The following PTPRM variants were observed in gnomAD, a reference collection of about 807,000 sequenced individuals.
PTPRM encodes receptor-type tyrosine-protein phosphatase mu.
PTPRM carries 47 observed loss-of-function variants against 186.7 expected under a neutral mutation model. That is an observed-to-expected ratio of 0.25 (90% CI 0.20 to 0.32). PTPRM has a LOEUF of 0.32. Ranked by LOEUF, PTPRM falls within the 10% of genes least tolerant of loss-of-function variation. The pLI is 1.00. For missense variants in PTPRM, 1,494 were observed against 1,865.0 expected (o/e 0.80, Z 3.66); for synonymous variants, 668 against 674.9 (o/e 0.99, Z 0.16).
intron 3 of PTPRM, among the ~76,000 whole-genome samples, chr18:7,898,759 G>A (rs1051302384): frequency 2.6e-4 from 39 of 152,118 alleles, no homozygotes; most frequent in Admixed American, 2.0e-3. Context: ...ATATCTGGGC[G>A]TTATCAGCAA....
At chr18:8,226,169 C>T (rs75224228) in intron 14 of PTPRM, among the ~76,000 whole-genome samples, 14,452 of 152,112 alleles carry the variant, frequency 0.095, 793 homozygotes, top group Middle Eastern at 0.34. Context: ...TGCATCACTC[C>T]GTTAACATAA....
intron 5 of PTPRM, among the ~76,000 whole-genome samples, chr18:7,933,548 CA>C (rs2051614306): frequency 1.3e-5 from 2 of 152,270 alleles, no homozygotes; most frequent in South Asian, 2.1e-4. Flanking sequence ...TCCCATGGAA[CA>C]GGGGGGACTG....
At chr18:8,120,519 G>A (rs1330504507) in intron 13 of PTPRM, among the ~76,000 whole-genome samples, 2 of 127,988 alleles carry the variant, frequency 1.6e-5, no homozygotes, top group African/African-American at 6.1e-5. Flanking sequence ...TTGAGACAGT[G>A]TCTTCCTCTG....
rs79118553 is a variant in PTPRM, at chr18:8,256,665, A to C, written c.2754+3251A>C. Among the ~76,000 whole-genome samples, 19 of 152,334 alleles carry C rather than the reference A, an allele frequency of 1.2e-4. No homozygotes were observed. In the East Asian group the frequency reaches 3.5e-3, roughly 28 times the overall value. On this transcript the variant is annotated intron_variant, in intron 19 of 32. Coordinates refer to ENST00000580170, the MANE Select transcript of PTPRM (RefSeq NM_001105244.2). ...GGGGTTATACTTTTCCTTCATCTCC[A>C]GGGCTGGATAACTTTCTTACCATGT...
chr18:8,148,845 G>A (rs534235418), intron 14 of PTPRM, among the ~76,000 whole-genome samples: 26 of 152,150 alleles, frequency 1.7e-4, no homozygotes, highest in East Asian at 9.7e-4. Context: ...ATTCTGGTAC[G>A]TTGTGTCTTC....
intron 23 of PTPRM, among the ~76,000 whole-genome samples, chr18:8,349,552 A>T (rs2095523133): frequency 6.6e-6 from 1 of 152,118 alleles, no homozygotes; most frequent in Non-Finnish European, 1.5e-5. Context: ...CTATCATAGG[A>T]TGAAGCTGAC....
chr18:7,813,130 A>G (rs188956365), intron 2 of PTPRM, among the ~76,000 whole-genome samples: 1 of 152,328 alleles, frequency 6.6e-6, no homozygotes, highest in Non-Finnish European at 1.5e-5. Flanking sequence ...TCTGTAAGAG[A>G]CAAACATATG....
chr18:8,271,347 C>G (rs990109836), intron 19 of PTPRM, among the ~76,000 whole-genome samples: 2 of 151,142 alleles, frequency 1.3e-5, no homozygotes, highest in African/African-American at 4.9e-5. Context: ...TATTATATAC[C>G]AAAAAGCCAA....
chr18:7,744,929 C>A (rs1241268430), intron 1 of PTPRM, among the ~76,000 whole-genome samples: 2 of 152,156 alleles, frequency 1.3e-5, no homozygotes, highest in Admixed American at 1.3e-4. Context: ...CCCTGAACCC[C>A]AGCATGCCAT....
At chr18:7,841,171 G>C (rs1471460563) in intron 2 of PTPRM, among the ~76,000 whole-genome samples, 1 of 152,078 alleles carries the variant, frequency 6.6e-6, no homozygotes, top group African/African-American at 2.4e-5. Context: ...AAAAGATACA[G>C]GGGCTGTTCT....
chr18:7,651,191 A>G (rs894602303), intron 1 of PTPRM, among the ~76,000 whole-genome samples: 1 of 152,062 alleles, frequency 6.6e-6, no homozygotes, highest in African/African-American at 2.4e-5. Context: ...CAAAAATGCT[A>G]GAATTACAGG....
chr18:8,227,547 C>A (rs1046317481), intron 14 of PTPRM, among the ~76,000 whole-genome samples: 1 of 152,158 alleles, frequency 6.6e-6, no homozygotes, highest in Non-Finnish European at 1.5e-5. Context: ...CCAGAATATG[C>A]AATTTTATCA....
chr18:7,607,822 G>A (rs906403357), intron 1 of PTPRM, among the ~76,000 whole-genome samples: 3 of 152,306 alleles, frequency 2.0e-5, no homozygotes, highest in East Asian at 1.9e-4. Context: ...TCCTCTCTTC[G>A]TATATCAAAG....
chr18:8,352,627 C>T (rs2509545), intron 23 of PTPRM, among the ~76,000 whole-genome samples: 72,859 of 131,374 alleles, frequency 0.55, 19,237 homozygotes, highest in Non-Finnish European at 0.6. Flanking sequence ...CATTCTTTTT[C>T]TTTTCTTTTT....
chr18:7,749,213 G>C (rs1311975030), intron 1 of PTPRM: 7 of 152,096 alleles, frequency 4.6e-5, no homozygotes, highest in Non-Finnish European at 8.8e-5. Flanking sequence ...AAAGGGAATG[G>C]AGGAGGGGAC....
chr18:7,910,306 AG>A (rs1444281579), intron 4 of PTPRM, among the ~76,000 whole-genome samples: 1 of 152,220 alleles, frequency 6.6e-6, no homozygotes, highest in African/African-American at 2.4e-5. Context: ...TTACTGGTGG[AG>A]GGTGTCCAGG....
intron 1 of PTPRM, among the ~76,000 whole-genome samples, chr18:7,692,695 C>T (rs565171304): frequency 6.6e-6 from 1 of 152,332 alleles, no homozygotes; most frequent in African/African-American, 2.4e-5. Context: ...AAAGTCCTAT[C>T]TTCCTCTGTT....
chr18:7,596,846 C>CT (rs964930075), intron 1 of PTPRM, among the ~76,000 whole-genome samples: 16 of 149,414 alleles, frequency 1.1e-4, no homozygotes, highest in East Asian at 2.0e-4. Flanking sequence ...CTTCATTTAT[C>CT]TTTTTTTTTT....
chr18:7,582,328 G>A (rs994433026), intron 1 of PTPRM, among the ~76,000 whole-genome samples: 2 of 152,112 alleles, frequency 1.3e-5, no homozygotes, highest in South Asian at 2.1e-4. Context: ...CCTTCTGTAG[G>A]CTGGTCTAGG....
Sources: gnomAD v4.1 joint callset for allele counts (sites outside exome capture counted in the v4.1 genomes callset) on GRCh38, gnomAD v4.1.1 for gene constraint, MANE v1.5 for transcripts, NCBI Gene and HGNC (gene_info 2026-07-23, HGNC 2026-07-21) for gene names.